Variants in TXNL4A observed in about 807,000 individuals in gnomAD.
TXNL4A encodes thioredoxin like 4A.
A neutral mutation model predicts 14.6 loss-of-function variants in TXNL4A; 17 were observed. The observed-to-expected ratio is 1.16, with a 90% CI of 0.80 to 1.74. The LOEUF is 1.74. Ranked by LOEUF, TXNL4A falls within the 40% of genes most tolerant of loss-of-function variation. The pLI, the probability that TXNL4A is intolerant of heterozygous loss-of-function variation, is 0.00. For synonymous variants in TXNL4A, 83 were observed against 70.6 expected (o/e 1.18, Z -0.88); for missense variants, 74 against 195.2 (o/e 0.38, Z 3.70).
intron 1 of TXNL4A, among the ~76,000 whole-genome samples, chr18:79,987,557 C>T (rs2051570918): frequency 6.6e-6 from 1 of 152,128 alleles, no homozygotes; most frequent in South Asian, 2.1e-4. Context: ...AAAAGTCATC[C>T]TAAAATTGCT....
At chr18:80,016,839 G>A (rs1490724095) in intron 1 of TXNL4A, among the ~76,000 whole-genome samples, 7 of 149,510 alleles carry the variant, frequency 4.7e-5, no homozygotes, top group South Asian at 2.1e-4. Context: ...TTGACTTGGC[G>A]ATGCGGGCTC....
chr18:80,026,713 T>C (rs2051886793), intron 1 of TXNL4A, among the ~76,000 whole-genome samples: 1 of 147,832 alleles, frequency 6.8e-6, no homozygotes, highest in Non-Finnish European at 1.5e-5. Context: ...CCACAGACTC[T>C]AAGTGTGACG....
intron 1 of TXNL4A, among the ~76,000 whole-genome samples, chr18:79,985,076 A>G (rs2051525479): frequency 6.6e-6 from 1 of 151,910 alleles, no homozygotes; most frequent in Non-Finnish European, 1.5e-5. Flanking sequence ...TGTTCCTACA[A>G]AATGGAAAGA....
intron 1 of TXNL4A, among the ~76,000 whole-genome samples, chr18:80,002,970 G>A (rs763129867): frequency 4.6e-5 from 7 of 152,238 alleles, no homozygotes; most frequent in Non-Finnish European, 8.8e-5. Flanking sequence ...AGGGAGGGAG[G>A]CCAGGATGTC....
chr18:79,988,637 T>C (rs539749641), upstream of TXNL4A: 22 of 340,650 alleles, frequency 6.5e-5, no homozygotes, highest in South Asian at 1.4e-4. Context: ...TGACGGCATG[T>C]GCGTATAGGC....
chr18:80,032,920 T>G (rs975131883), intron 1 of TXNL4A, among the ~76,000 whole-genome samples: 2 of 148,176 alleles, frequency 1.3e-5, no homozygotes, highest in African/African-American at 4.9e-5. Flanking sequence ...ATCTGATTGT[T>G]CCCCTACCAC....
At chr18:79,999,150 G>C (rs1007403229) in intron 1 of TXNL4A, among the ~76,000 whole-genome samples, 2 of 152,144 alleles carry the variant, frequency 1.3e-5, no homozygotes, top group Non-Finnish European at 1.5e-5. Context: ...TGCTTTTGGG[G>C]TTTGCATGAC....
At chr18:80,008,776 T>C (rs1316825884) in intron 1 of TXNL4A, among the ~76,000 whole-genome samples, 3 of 151,864 alleles carry the variant, frequency 2.0e-5, no homozygotes, top group Admixed American at 6.6e-5. Flanking sequence ...TTCATTTTTC[T>C]TTCTTTCTTT....
chr18:79,984,865 G>GT (rs1181405670), intron 1 of TXNL4A, among the ~76,000 whole-genome samples: 1 of 152,208 alleles, frequency 6.6e-6, no homozygotes, highest in Non-Finnish European at 1.5e-5. Context: ...TGGGATTTAG[G>GT]TAACAGTGAA....
intron 1 of TXNL4A, among the ~76,000 whole-genome samples, chr18:79,998,207 G>A (rs527722464): frequency 2.6e-5 from 4 of 152,102 alleles, no homozygotes; most frequent in Admixed American, 6.5e-5. Context: ...GCAGGAGAAT[G>A]GTGTGGACCT....
intron 1 of TXNL4A, among the ~76,000 whole-genome samples, chr18:79,981,599 G>T (rs945834647): frequency 2.0e-5 from 3 of 152,240 alleles, no homozygotes; most frequent in Non-Finnish European, 2.9e-5. Context: ...CTGAACCCAG[G>T]ATGTGGAGAT....
intron 1 of TXNL4A, among the ~76,000 whole-genome samples, chr18:79,979,094 C>T (rs937578849): frequency 2.6e-5 from 4 of 151,848 alleles, no homozygotes; most frequent in East Asian, 3.9e-4. Flanking sequence ...TGTGCCACCA[C>T]GTCTGGCTAA....
intron 1 of TXNL4A, among the ~76,000 whole-genome samples, chr18:80,027,070 G>A (rs1028842143): frequency 1.3e-5 from 2 of 152,056 alleles, no homozygotes; most frequent in East Asian, 1.9e-4. Flanking sequence ...GAAGCAGAAC[G>A]CTTGCTCAAG....
intron 1 of TXNL4A, among the ~76,000 whole-genome samples, chr18:80,002,782 C>T (rs931032929): frequency 6.6e-6 from 1 of 152,222 alleles, no homozygotes; most frequent in Non-Finnish European, 1.5e-5. Context: ...GACCTCTGTC[C>T]TAAGTGTGAG....
chr18:80,008,150 A>C (rs1196244591), intron 1 of TXNL4A, among the ~76,000 whole-genome samples: 1 of 152,078 alleles, frequency 6.6e-6, no homozygotes, highest in Non-Finnish European at 1.5e-5. Flanking sequence ...TTAAAAAAAA[A>C]TGTTTTTCCG....
chr18:79,977,225 G>A (rs1366054210), intron 2 of TXNL4A: 5 of 290,046 alleles, frequency 1.7e-5, no homozygotes, highest in East Asian at 1.8e-4. Context: ...CCAAAGTGCT[G>A]GGATTACAGG....
chr18:80,019,343 CA>C, intron 1 of TXNL4A, among the ~76,000 whole-genome samples: 3 of 152,218 alleles, frequency 2.0e-5, no homozygotes, highest in Admixed American at 2.0e-4. Context: ...GAGGAAGAAG[CA>C]AAAGCAAAAA....
intron 1 of TXNL4A, among the ~76,000 whole-genome samples, chr18:80,010,709 G>A (rs1416189465): frequency 6.6e-6 from 1 of 152,216 alleles, no homozygotes; most frequent in Non-Finnish European, 1.5e-5. Flanking sequence ...CCAAGTGGAG[G>A]TTTTTCCATC....
chr18:80,030,077 T>C (rs1229072795), intron 1 of TXNL4A, among the ~76,000 whole-genome samples: 1 of 151,822 alleles, frequency 6.6e-6, no homozygotes, highest in East Asian at 1.9e-4. Context: ...GACTCATGGA[T>C]TCATCTCTCT....
Sources: allele counts gnomAD v4.1 joint callset (sites outside exome capture counted in the v4.1 genomes callset), GRCh38; gene constraint gnomAD v4.1.1; transcripts MANE v1.5; gene names NCBI Gene and HGNC (gene_info 2026-07-23, HGNC 2026-07-21).